Variants in FBXL7 observed in about 807,000 individuals in gnomAD.
The protein encoded by FBXL7 is F-box and leucine rich repeat protein 7.
FBXL7 carries 12 observed loss-of-function variants against 38.3 expected under a neutral mutation model. The observed-to-expected ratio is 0.31, with a 90% CI of 0.20 to 0.51. The LOEUF is 0.51. Ranked by LOEUF, FBXL7 falls within the 20% of genes least tolerant of loss-of-function variation. The pLI is 0.98. For synonymous variants in FBXL7, 297 were observed against 300.9 expected, an observed-to-expected ratio of 0.99 and a Z score of 0.13; for missense variants, 567 against 676.4, an observed-to-expected ratio of 0.84 and a Z score of 1.79.
chr5:15,638,338 G>A (rs1741253102), intron 2 of FBXL7, among the ~76,000 whole-genome samples: 1 of 152,152 alleles, frequency 6.6e-6, no homozygotes, highest in Non-Finnish European at 1.5e-5. Context: ...GTGTGAAAGG[G>A]CCAGGGAGTT....
At chr5:15,904,130 C>A (rs1258236335) in intron 2 of FBXL7, among the ~76,000 whole-genome samples, 1 of 152,114 alleles carries the variant, frequency 6.6e-6, no homozygotes, top group African/African-American at 2.4e-5. Flanking sequence ...TCAGTAAAGT[C>A]ATAAGACTAC....
intron 1 of FBXL7, among the ~76,000 whole-genome samples, chr5:15,584,834 C>T (rs750973078): frequency 7.9e-5 from 12 of 152,148 alleles, no homozygotes; most frequent in Non-Finnish European, 1.6e-4. Context: ...ACTCACACTT[C>T]GGTATGGCTG....
intron 1 of FBXL7, among the ~76,000 whole-genome samples, chr5:15,556,042 T>C (rs562052049): frequency 8.6e-5 from 13 of 151,824 alleles, no homozygotes; most frequent in East Asian, 2.0e-4. Flanking sequence ...CATCTACTTA[T>C]CATCTATTAT....
rs151007528 is a variant in FBXL7, at chr5:15,603,186, C to G, written c.38-12797C>G. On this transcript the variant is annotated intron_variant, in intron 1 of 3. Coordinates refer to ENST00000504595, the MANE Select transcript of FBXL7 (RefSeq NM_012304.5). Reference sequence around the variant, plus strand: ...CCATTTATTTGTCTGTGCTTTATCTCCCTAGCCTAATATGAACTGTGTCTT... The same window carrying G: ...CCATTTATTTGTCTGTGCTTTATCTGCCTAGCCTAATATGAACTGTGTCTT... 3.2e-4 allele frequency among the ~76,000 whole-genome samples: 48 copies of G among 152,218 alleles called. No homozygotes were observed. In the East Asian group the frequency reaches 9.3e-3, roughly 29 times the overall value.
At chr5:15,733,291 C>G (rs1253855226) in intron 2 of FBXL7, among the ~76,000 whole-genome samples, 1 of 152,098 alleles carries the variant, frequency 6.6e-6, no homozygotes, top group Non-Finnish European at 1.5e-5. Context: ...CGGGGTTTCA[C>G]CACCTTGGCC....
At chr5:15,903,788 G>T (rs1186599293) in intron 2 of FBXL7, among the ~76,000 whole-genome samples, 1 of 152,136 alleles carries the variant, frequency 6.6e-6, no homozygotes, top group Non-Finnish European at 1.5e-5. Flanking sequence ...AAACAAACAG[G>T]TTAGAGGACA....
At chr5:15,737,479 T>C (rs1735786000) in intron 2 of FBXL7, among the ~76,000 whole-genome samples, 3 of 152,198 alleles carry the variant, frequency 2.0e-5, no homozygotes, top group Admixed American at 2.0e-4. Context: ...ACCGGTAGAA[T>C]AGTGACTATT....
chr5:15,513,387 T>TA (rs1736854558), intron 1 of FBXL7, among the ~76,000 whole-genome samples: 1 of 152,150 alleles, frequency 6.6e-6, no homozygotes, highest in Non-Finnish European at 1.5e-5. Context: ...CAGCTTCAGA[T>TA]AAAGGATCAC....
At chr5:15,571,578 C>A (rs1738783412) in intron 1 of FBXL7, among the ~76,000 whole-genome samples, 1 of 152,000 alleles carries the variant, frequency 6.6e-6, no homozygotes, top group African/African-American at 2.4e-5. Context: ...AAGAAAATAT[C>A]ACTGTTTAAT....
chr5:15,788,874 A>ATT (rs2126728774), intron 2 of FBXL7, among the ~76,000 whole-genome samples: 1 of 148,066 alleles, frequency 6.8e-6, no homozygotes, highest in South Asian at 2.1e-4. Context: ...TTTTTTTTGA[A>ATT]GGAGTCTTGC....
intron 2 of FBXL7, among the ~76,000 whole-genome samples, chr5:15,646,401 C>T (rs1741535580): frequency 6.6e-6 from 1 of 152,124 alleles, no homozygotes; most frequent in South Asian, 2.1e-4. Flanking sequence ...ATGAATTGAA[C>T]CCAGACAGTC....
intron 1 of FBXL7, among the ~76,000 whole-genome samples, chr5:15,557,477 C>A (rs955907868): frequency 2.6e-5 from 4 of 152,066 alleles, no homozygotes; most frequent in Non-Finnish European, 5.9e-5. Flanking sequence ...ATGTGATATC[C>A]TATGGCATAA....
chr5:15,821,764 C>T (rs1386368514), intron 2 of FBXL7, among the ~76,000 whole-genome samples: 1 of 152,212 alleles, frequency 6.6e-6, no homozygotes, highest in African/African-American at 2.4e-5. Flanking sequence ...CTCATCCCCA[C>T]CAAGCTCTAC....
At chr5:15,773,383 C>G (rs1404487315) in intron 2 of FBXL7, among the ~76,000 whole-genome samples, 1 of 152,108 alleles carries the variant, frequency 6.6e-6, no homozygotes, top group African/African-American at 2.4e-5. Flanking sequence ...GTGGCTCATG[C>G]CTTTAATCCC....
At chr5:15,893,379 TTAA>T (rs1740991060) in intron 2 of FBXL7, among the ~76,000 whole-genome samples, 1 of 152,230 alleles carries the variant, frequency 6.6e-6, no homozygotes, top group Non-Finnish European at 1.5e-5. Flanking sequence ...TGTATTCATT[TTAA>T]TAATCAGATA....
chr5:15,590,836 A>G (rs1237137814), intron 1 of FBXL7, among the ~76,000 whole-genome samples: 1 of 152,214 alleles, frequency 6.6e-6, no homozygotes, highest in African/African-American at 2.4e-5. Flanking sequence ...CTAGATCAAT[A>G]TAAATTACTG....
Position 15,936,585 on chromosome 5 carries a change from C to T in FBXL7, c.875C>T (p.Thr292Ile), listed in dbSNP as rs202118294. The T allele has an allele frequency of 5.6e-4, 895 of 1,612,070 alleles. 1 individual carries two copies. The highest frequency in any genetic ancestry group is 2.6e-3 in the Middle Eastern group (16 of 6,062). ...CFVLEDEGLH[T>I]IAAHCTQLTH... ...GTGCTGGAGGACGAAGGCCTGCACACCATCGCGGCGCACTGCACGCAGCTC... is the reference window on the plus strand; with the variant it reads ...GTGCTGGAGGACGAAGGCCTGCACATCATCGCGGCGCACTGCACGCAGCTC... The change falls in exon 4 of 4, where the codon ACC becomes ATC. Residue 292 changes from threonine (T) to isoleucine (I), a missense_variant. Thr to Ile is a moderately conservative substitution (Grantham distance 89). Coordinates refer to ENST00000504595, the MANE Select transcript of FBXL7 (RefSeq NM_012304.5). This position sits in a 1 kb window ranked among gnomAD's most constrained non-coding sequence, Gnocchi z 6.0.
At chr5:15,762,693 G>A (rs990968701) in intron 2 of FBXL7, among the ~76,000 whole-genome samples, 20 of 152,238 alleles carry the variant, frequency 1.3e-4, no homozygotes, top group East Asian at 3.9e-4. Context: ...GCAAAACAGC[G>A]TACTGCTGAG....
chr5:15,593,742 T>C (rs544825943), intron 1 of FBXL7, among the ~76,000 whole-genome samples: 1 of 152,334 alleles, frequency 6.6e-6, no homozygotes, highest in East Asian at 1.9e-4. Flanking sequence ...TTGGAGTTGG[T>C]GAATTTGTTC....
Sources: gnomAD v4.1 joint callset for allele counts (sites outside exome capture counted in the v4.1 genomes callset) on GRCh38, gnomAD v4.1.1 for gene constraint, Gnocchi (gnomAD v3.1) non-coding constraint, MANE v1.5 for transcripts, NCBI Gene and HGNC (gene_info 2026-07-23, HGNC 2026-07-21) for gene names.